MYO9A: variants seen among roughly 807,000 people sequenced by gnomAD.
MYO9A encodes the protein myosin IXA, also known as unconventional myosin-IXa.
A neutral mutation model predicts 293.3 loss-of-function variants in MYO9A; 103 were observed. That is an observed-to-expected ratio of 0.35 (90% CI 0.30 to 0.41). The LOEUF is 0.41. MYO9A is among the 10% of genes least tolerant of loss of function. MYO9A has a pLI of 1.00. For synonymous variants in MYO9A, 1,001 were observed against 1,035.7 expected (o/e 0.97, Z 0.64); for missense variants, 2,685 against 3,033.0 (o/e 0.89, Z 2.69).
chr15:71,991,119 ATATGCTGATT>A lies in MYO9A; in HGVS notation c.1696_1705del (p.Asn566SerfsTer19). ...GGTACTCACTTGTTCCAATTTAAAGATATGCTGATTAAAGTAGTGCTGTAAACGTTCATTA... is the reference window on the plus strand; with the variant it reads ...GGTACTCACTTGTTCCAATTTAAAGAAAAGTAGTGCTGTAAACGTTCATTA... On this transcript the variant is annotated frameshift_variant, in exon 11 of 42. Transcript: ENST00000356056. LOFTEE classifies it high-confidence loss of function. 6.2e-7 allele frequency: 1 copy of A among 1,602,648 alleles called. No homozygotes were observed. The highest frequency in any genetic ancestry group is 8.5e-7 in the Non-Finnish European group (1 of 1,175,440).
intron 18 of MYO9A, among the ~76,000 whole-genome samples, chr15:71,919,370 G>C (rs1333945157): frequency 6.6e-6 from 1 of 152,010 alleles, no homozygotes; most frequent in Admixed American, 6.6e-5. Flanking sequence ...TTGAGCTCAG[G>C]GGGCAGAGGC....
intron 34 of MYO9A, among the ~76,000 whole-genome samples, chr15:71,856,612 A>C (rs1031278627): frequency 7.2e-5 from 11 of 152,290 alleles, no homozygotes; most frequent in Non-Finnish European, 1.3e-4. Flanking sequence ...TAAAGGAATA[A>C]TCAGTTTATT....
intron 5 of MYO9A, among the ~76,000 whole-genome samples, chr15:72,019,360 G>T (rs2077433918): frequency 1.3e-5 from 2 of 152,004 alleles, no homozygotes; most frequent in African/African-American, 4.8e-5. Context: ...CATTATGACA[G>T]GAATATATTA....
In MYO9A at chr15:72,094,172, T is replaced by C. The variant is rs1449076980; in HGVS notation, c.-72+23508A>G. On this transcript the variant is annotated intron_variant, in intron 1 of 41. Coordinates refer to ENST00000356056, the MANE Select transcript of MYO9A (RefSeq NM_006901.4). ...CTGCAGTGAGCTATGATCACACCAC[T>C]GCACTCCAGCTGGGAAACAGAGCAA... is the stretch of plus-strand genomic sequence containing the variant. 2.3e-5 allele frequency among the ~76,000 whole-genome samples: 2 copies of C among 87,302 alleles called. 1 individual carries two copies. Among genetic ancestry groups the C allele is most frequent in the Non-Finnish European group, 6.9e-5 (2 of 29,030 alleles). The allele number at this position is 87,302 out of a possible 152,430, so 57.3% of individuals were successfully genotyped here.
At chr15:71,967,311 C>T (rs1184361576) in intron 13 of MYO9A, among the ~76,000 whole-genome samples, 2 of 152,068 alleles carry the variant, frequency 1.3e-5, no homozygotes, top group African/African-American at 4.8e-5. Context: ...TAGATCATTC[C>T]AAACACCAAG....
intron 1 of MYO9A, among the ~76,000 whole-genome samples, chr15:72,113,945 G>A (rs1258630265): frequency 1.3e-5 from 2 of 152,078 alleles, no homozygotes; most frequent in Non-Finnish European, 2.9e-5. Flanking sequence ...TTGGCATGGG[G>A]GTCACATAGT....
At chr15:72,008,307 G>A (rs2077071492) in intron 7 of MYO9A, among the ~76,000 whole-genome samples, 1 of 152,138 alleles carries the variant, frequency 6.6e-6, no homozygotes, top group South Asian at 2.1e-4. Context: ...CAGATACACT[G>A]AATCAGAATT....
At chr15:72,019,843 G>A (rs990558584) in intron 5 of MYO9A, among the ~76,000 whole-genome samples, 5 of 152,072 alleles carry the variant, frequency 3.3e-5, no homozygotes, top group South Asian at 2.1e-4. Context: ...TCTGCCTCCC[G>A]GGTTGAAGCG....
chr15:72,002,528 A>G (rs2076897185), intron 8 of MYO9A, among the ~76,000 whole-genome samples: 1 of 152,116 alleles, frequency 6.6e-6, no homozygotes, highest in Non-Finnish European at 1.5e-5. Context: ...CTTACACAAC[A>G]ACAAAAAAGA....
intron 1 of MYO9A, among the ~76,000 whole-genome samples, chr15:72,095,787 C>T (rs1325614059): frequency 4.6e-5 from 2 of 43,422 alleles, no homozygotes; most frequent in South Asian, 1.4e-3. Context: ...TGAGAATTAA[C>T]GCTAAATCAA....
intron 9 of MYO9A, chr15:71,999,118 T>G (rs1416235616): frequency 2.6e-5 from 4 of 152,180 alleles, no homozygotes; most frequent in African/African-American, 4.8e-5. Context: ...TAAAAAACAT[T>G]CTCTAGAATT....
intron 11 of MYO9A, among the ~76,000 whole-genome samples, chr15:71,982,347 T>C (rs1030480975): frequency 3.4e-4 from 51 of 152,130 alleles, no homozygotes; most frequent in African/African-American, 8.9e-4. Context: ...TTTAATCATA[T>C]AGGTATTTTT....
chr15:72,096,339 GAAC>G (rs543435014), intron 1 of MYO9A, among the ~76,000 whole-genome samples: 2 of 151,922 alleles, frequency 1.3e-5, no homozygotes, highest in African/African-American at 2.4e-5. Context: ...CTGTCTCAGG[GAAC>G]AACAACAACA....
chr15:72,037,622 TAC>T, intron 2 of MYO9A, among the ~76,000 whole-genome samples: 1 of 152,156 alleles, frequency 6.6e-6, no homozygotes. Context: ...TATAACTGAG[TAC>T]AGTTTTTGAT....
At chr15:71,917,768 T>C (rs188799591) in intron 18 of MYO9A, among the ~76,000 whole-genome samples, 1 of 152,284 alleles carries the variant, frequency 6.6e-6, no homozygotes, top group African/African-American at 2.4e-5. Flanking sequence ...AAACTATATG[T>C]TATTTAAAAA....
chr15:72,109,007 C>A (rs561657506), intron 1 of MYO9A, among the ~76,000 whole-genome samples: 3 of 152,260 alleles, frequency 2.0e-5, no homozygotes, highest in Non-Finnish European at 4.4e-5. Context: ...AGGTGATCCA[C>A]CTGCCTCGGC....
chr15:71,951,561 T>C, intron 15 of MYO9A: 1 of 479,340 alleles, frequency 2.1e-6, no homozygotes, highest in Non-Finnish European at 3.6e-6. Flanking sequence ...AATCCAATGA[T>C]CACAGGCAAA....
intron 15 of MYO9A, among the ~76,000 whole-genome samples, chr15:71,946,419 T>C (rs1348561387): frequency 1.3e-5 from 2 of 152,370 alleles, no homozygotes; most frequent in East Asian, 3.9e-4. Flanking sequence ...TTAATAACCG[T>C]TGACGTTCAA....
intron 1 of MYO9A, among the ~76,000 whole-genome samples, chr15:72,076,608 G>C (rs1428565547): frequency 6.6e-6 from 1 of 152,090 alleles, no homozygotes; most frequent in Non-Finnish European, 1.5e-5. Context: ...AAATCTCAAT[G>C]AATGTAGATA....
Sources: gnomAD v4.1 joint callset for allele counts (sites outside exome capture counted in the v4.1 genomes callset) on GRCh38, gnomAD v4.1.1 for gene constraint, MANE v1.5 for transcripts, NCBI Gene and HGNC (gene_info 2026-07-23, HGNC 2026-07-21) for gene names.